NTNG2: variants seen among roughly 807,000 people sequenced by gnomAD.
The protein encoded by NTNG2 is netrin-G2.
In NTNG2, 15 loss-of-function variants were observed where a neutral mutation model predicts 47.6. The ratio of observed to expected loss-of-function variants is 0.32; its 90% CI spans 0.21 to 0.49. The LOEUF (loss-of-function observed/expected upper bound fraction) is 0.49. Ranked by LOEUF, NTNG2 falls within the 20% of genes least tolerant of loss-of-function variation. NTNG2 has a pLI of 0.99. For missense variants in NTNG2, 578 were observed against 764.6 expected, an observed-to-expected ratio of 0.76 and a Z score of 2.88; for synonymous variants, 307 against 324.6, an observed-to-expected ratio of 0.95 and a Z score of 0.58.
Position 132,166,707 on chromosome 9 carries a change from G to A in NTNG2, c.-125G>A. 1 of 855,304 alleles carries A rather than the reference G, an allele frequency of 1.2e-6. No homozygotes were observed. The highest frequency in any genetic ancestry group is 1.4e-5 in the South Asian group (1 of 69,110). 53.0% of individuals were successfully genotyped at this position (855,304 alleles called of 1,614,324 possible). A position where few individuals can be genotyped will look rare whatever the true frequency, so the allele number is the denominator to read the frequency against. On this transcript the variant is annotated 5_prime_UTR_variant, in exon 2 of 8. Transcript: ENST00000393229. Reference sequence around the variant, plus strand: ...GCAAAGCTTCAGTGCTCGGGTCCCTGGGACACCCCGGCCACCCTCGCCTGG... The same window carrying A: ...GCAAAGCTTCAGTGCTCGGGTCCCTAGGACACCCCGGCCACCCTCGCCTGG...
chr9:132,220,289 G>A (rs1840266485), intron 3 of NTNG2, among the ~76,000 whole-genome samples: 1 of 151,874 alleles, frequency 6.6e-6, no homozygotes, highest in South Asian at 2.1e-4. Context: ...CCATTCTGTG[G>A]GTTGTCTTTT....
intron 2 of NTNG2, among the ~76,000 whole-genome samples, chr9:132,175,544 C>T (rs903627343): frequency 6.6e-6 from 1 of 152,168 alleles, no homozygotes; most frequent in African/African-American, 2.4e-5. Context: ...GGGGCCGGGC[C>T]ATGAGGAACA....
At chr9:132,187,640 G>GT (rs1218108004) in intron 2 of NTNG2, among the ~76,000 whole-genome samples, 1 of 152,054 alleles carries the variant, frequency 6.6e-6, no homozygotes, top group Non-Finnish European at 1.5e-5. Context: ...AGCTCAGAGA[G>GT]TTAGAGACCG....
Position 132,198,289 on chromosome 9 carries a change from C to T in NTNG2, c.537C>T (p.Ala179=), listed in dbSNP as rs372322482. The part of the protein sequence containing the change: ...EDCMEAFGMS[A]RRARDMSSSS... Reference sequence around the variant, plus strand: ...GCATGGAGGCCTTCGGTATGTCCGCCCGCCGGGCCCGCGACATGTCATCCT... The same window carrying T: ...GCATGGAGGCCTTCGGTATGTCCGCTCGCCGGGCCCGCGACATGTCATCCT... Residue 179 remains alanine (A), a synonymous_variant, in exon 3 of 8, where the codon GCC becomes GCT. Transcript: ENST00000393229. 5 of 1,612,704 alleles carry T rather than the reference C, an allele frequency of 3.1e-6. No individual in the cohort carries two copies. In the African/African-American group the frequency reaches 6.7e-5, roughly 22 times the overall value.
chr9:132,181,762 T>A (rs976008032), intron 2 of NTNG2, among the ~76,000 whole-genome samples: 1 of 152,202 alleles, frequency 6.6e-6, no homozygotes, highest in Non-Finnish European at 1.5e-5. Flanking sequence ...TGTATTTAGA[T>A]CCGTTTTGAA....
rs1938077222 is a variant in NTNG2, at chr9:132,243,631, A to G, written c.*1520A>G. 1 of 152,464 alleles carries G rather than the reference A, an allele frequency of 6.6e-6. No individual in the cohort carries two copies. The highest frequency in any genetic ancestry group is 6.5e-5 in the Admixed American group (1 of 15,292). The allele number at this position is 152,464 out of a possible 1,614,324, so 9.4% of individuals were successfully genotyped here. A position where few individuals can be genotyped will look rare whatever the true frequency, so the allele number is the denominator to read the frequency against. ...TAACTGCTGCCACTGCTCCACCTGC[A>G]GGTGCTCCCAGCACTGGCTTCTGCC... is the stretch of plus-strand genomic sequence containing the variant. On this transcript the variant is annotated 3_prime_UTR_variant, in exon 8 of 8. Coordinates refer to ENST00000393229, the MANE Select transcript of NTNG2 (RefSeq NM_032536.4).
At chr9:132,190,845 T>A (rs886513066) in intron 2 of NTNG2, among the ~76,000 whole-genome samples, 22 of 152,234 alleles carry the variant, frequency 1.4e-4, no homozygotes, top group Admixed American at 4.6e-4. Context: ...TCTCTGGTGC[T>A]ATGGGCCTGG....
intron 3 of NTNG2, among the ~76,000 whole-genome samples, chr9:132,199,252 G>T (rs1044037771): frequency 1.3e-5 from 2 of 152,170 alleles, no homozygotes; most frequent in African/African-American, 2.4e-5. Context: ...CACTGACTCA[G>T]TGAATGGGCT....
intron 3 of NTNG2, among the ~76,000 whole-genome samples, chr9:132,211,270 C>G (rs1839568876): frequency 6.6e-6 from 1 of 152,222 alleles, no homozygotes; most frequent in African/African-American, 2.4e-5. Context: ...TCAGCCTGAA[C>G]TAGGTCCCAA....
At chr9:132,235,747 C>G (rs530574011) in intron 5 of NTNG2, among the ~76,000 whole-genome samples, 2 of 152,290 alleles carry the variant, frequency 1.3e-5, no homozygotes, top group South Asian at 4.1e-4. Context: ...CTGTGATGGG[C>G]CTGAGACCCC....
intron 3 of NTNG2, among the ~76,000 whole-genome samples, chr9:132,211,760 C>A (rs997692632): frequency 1.6e-4 from 25 of 152,270 alleles, no homozygotes; most frequent in Admixed American, 1.6e-3. Context: ...GTGACAATTC[C>A]ACAGCCTTGC....
chr9:132,220,414 A>G (rs1015762908), intron 3 of NTNG2, among the ~76,000 whole-genome samples: 1 of 147,404 alleles, frequency 6.8e-6, no homozygotes, highest in East Asian at 2.0e-4. Context: ...CTAAGAAACC[A>G]TTGCTTAATT....
chr9:132,230,224 G>A (rs1319602681), intron 4 of NTNG2, among the ~76,000 whole-genome samples: 1 of 152,218 alleles, frequency 6.6e-6, no homozygotes, highest in Non-Finnish European at 1.5e-5. Flanking sequence ...CCAAAAATCT[G>A]AAATAAGAGG....
chr9:132,228,546 C>T (rs1344852362), intron 4 of NTNG2, among the ~76,000 whole-genome samples: 1 of 138,958 alleles, frequency 7.2e-6, no homozygotes, highest in Non-Finnish European at 1.5e-5. Flanking sequence ...TTCTCTCCAC[C>T]ATCACACCCT....
intron 1 of NTNG2, among the ~76,000 whole-genome samples, chr9:132,165,547 G>A (rs992858450): frequency 1.3e-4 from 20 of 152,170 alleles, no homozygotes; most frequent in Non-Finnish European, 2.5e-4. Context: ...TGATTGGGGG[G>A]CTGTTTCTCA....
At chr9:132,234,491 C>T (rs902229373) in intron 5 of NTNG2, among the ~76,000 whole-genome samples, 12 of 152,236 alleles carry the variant, frequency 7.9e-5, no homozygotes, top group African/African-American at 2.9e-4. Context: ...CTCTCCCTCC[C>T]CAAGACCCTG....
rs59869556 is a variant in NTNG2 at position 132,231,336 on chromosome 9, C to T, written c.1054+741C>T. On this transcript the variant is annotated intron_variant, in intron 5 of 7. Coordinates refer to ENST00000393229, the MANE Select transcript of NTNG2 (RefSeq NM_032536.4). The surrounding 1 kb of genome is among the most constrained non-coding windows in gnomAD (Gnocchi z 4.1). ...CCCTGGGAGGTCGCCATCTGCTCTG[C>T]GAGGCAGCAGGAGAGGACTGGCCAA... 8.8e-5 allele frequency: 40 copies of T among 456,228 alleles called. 1 individual carries two copies. The highest frequency in any genetic ancestry group is 5.4e-4 in the African/African-American group (27 of 50,052). The allele number at this position is 456,228 out of a possible 1,614,324, so 28.3% of individuals were successfully genotyped here. A position where few individuals can be genotyped will look rare whatever the true frequency, so the allele number is the denominator to read the frequency against.
rs1477903041 is a variant in NTNG2 at position 132,236,650 on chromosome 9, G to C, written c.1055-2454G>C. Reference sequence around the variant, plus strand: ...TAGAAACCTGGAGGACCTGGGCCTGGTGTCCTCTGTGGTGATGGAGACAGA... The same window carrying C: ...TAGAAACCTGGAGGACCTGGGCCTGCTGTCCTCTGTGGTGATGGAGACAGA... On this transcript the variant is annotated intron_variant, in intron 5 of 7. Transcript: ENST00000393229. The surrounding 1 kb of genome is among the most constrained non-coding windows in gnomAD (Gnocchi z 4.3). 2.0e-5 allele frequency among the ~76,000 whole-genome samples: 3 copies of C among 152,246 alleles called. No individual in the cohort carries two copies.
chr9:132,167,085 GGGA>G, intron 2 of NTNG2, 41 bp downstream of exon 2: 1 of 1,603,846 alleles, frequency 6.2e-7, no homozygotes. Flanking sequence ...CAGGCCAAGT[GGGA>G]GGAGGTCTGG....
Sources: gnomAD v4.1 joint callset for allele counts (sites outside exome capture counted in the v4.1 genomes callset) on GRCh38, gnomAD v4.1.1 for gene constraint, Gnocchi (gnomAD v3.1) non-coding constraint, MANE v1.5 for transcripts, NCBI Gene and HGNC (gene_info 2026-07-23, HGNC 2026-07-21) for gene names.